Variants in PPARGC1A observed in about 807,000 individuals in gnomAD.
PPARGC1A encodes PPARG coactivator 1 alpha.
In PPARGC1A, 25 loss-of-function variants were observed where a neutral mutation model predicts 88.7. The ratio of observed to expected loss-of-function variants is 0.28; its 90% CI spans 0.21 to 0.39. PPARGC1A has a LOEUF of 0.39. Ranked by LOEUF, PPARGC1A falls within the 10% of genes least tolerant of loss-of-function variation. The probability of loss-of-function intolerance (pLI) is 1.00; values close to 1 mark genes in which losing one functional copy is unlikely to be tolerated. For synonymous variants in PPARGC1A, 363 were observed against 355.6 expected, an observed-to-expected ratio of 1.02 and a Z score of -0.24; for missense variants, 880 against 968.7, an observed-to-expected ratio of 0.91 and a Z score of 1.22.
the PPARGC1A span, among the ~76,000 whole-genome samples, chr4:24,408,612 G>C: frequency 2.0e-5 from 3 of 152,104 alleles, no homozygotes; most frequent in South Asian, 2.1e-4. Context: ...ATTTCTTCTT[G>C]GGACCCAGCA....
the PPARGC1A span, among the ~76,000 whole-genome samples, chr4:24,086,736 G>C: frequency 6.6e-6 from 1 of 152,194 alleles, no homozygotes; most frequent in African/African-American, 2.4e-5. Context: ...GTCTCATTAA[G>C]TAGGTAATAG....
At chr4:23,975,989 C>A in the PPARGC1A span, among the ~76,000 whole-genome samples, 1 of 152,142 alleles carries the variant, frequency 6.6e-6, no homozygotes, top group Non-Finnish European at 1.5e-5. Context: ...AATGGCTGCC[C>A]AATAAATGTT....
At chr4:24,204,740 T>C in the PPARGC1A span, among the ~76,000 whole-genome samples, 2 of 152,110 alleles carry the variant, frequency 1.3e-5, no homozygotes, top group African/African-American at 2.4e-5. Flanking sequence ...TAGTTGTTTA[T>C]GGGGTGGTTT....
the PPARGC1A span, among the ~76,000 whole-genome samples, chr4:24,174,486 C>G: frequency 6.6e-6 from 1 of 152,164 alleles, no homozygotes; most frequent in African/African-American, 2.4e-5. Flanking sequence ...AAAGGATTTA[C>G]TATAGATTTG....
At chr4:24,454,171 A>G in the PPARGC1A span, among the ~76,000 whole-genome samples, 1 of 151,574 alleles carries the variant, frequency 6.6e-6, no homozygotes, top group African/African-American at 2.4e-5. Flanking sequence ...ATGAGCAATC[A>G]ACTGCCAGCT....
chr4:24,000,249 G>T, the PPARGC1A span, among the ~76,000 whole-genome samples: 2 of 152,066 alleles, frequency 1.3e-5, no homozygotes, highest in African/African-American at 4.8e-5. Flanking sequence ...ACTCCACTAA[G>T]CTCTGCTTAT....
chr4:24,312,955 T>A, the PPARGC1A span, among the ~76,000 whole-genome samples: 1 of 152,064 alleles, frequency 6.6e-6, no homozygotes, highest in African/African-American at 2.4e-5. Context: ...CAGAAGCTTA[T>A]TGAGACCAAA....
chr4:24,190,552 TTATCTC>T, the PPARGC1A span, among the ~76,000 whole-genome samples: 1 of 151,930 alleles, frequency 6.6e-6, no homozygotes, highest in Non-Finnish European at 1.5e-5. Context: ...TATATAATAA[TTATCTC>T]TATTATTTCC....
At position 23,860,424 on chromosome 4, in the gene PPARGC1A, T is replaced by C. The variant is rs77042877; in HGVS notation, c.234+24328A>G. 3.6e-3 allele frequency among the ~76,000 whole-genome samples: 551 copies of C among 152,208 alleles called. 6 individuals are homozygous for C. The highest frequency in any genetic ancestry group is 0.013 in the African/African-American group (526 of 41,522). ...TGTACCACATGAGGACTATGGTTAGTAATATTGTACTGGATTCTGAGAGTA... is the reference window on the plus strand; with the variant it reads ...TGTACCACATGAGGACTATGGTTAGCAATATTGTACTGGATTCTGAGAGTA... On this transcript the variant is annotated intron_variant, in intron 2 of 12. Transcript: ENST00000264867.
chr4:23,945,421 G>GA, the PPARGC1A span, among the ~76,000 whole-genome samples: 2 of 152,094 alleles, frequency 1.3e-5, no homozygotes, highest in Non-Finnish European at 2.9e-5. Context: ...CCATGCAGCT[G>GA]AGAGACAAGG....
the PPARGC1A span, among the ~76,000 whole-genome samples, chr4:24,294,308 G>C: frequency 2.6e-5 from 4 of 152,066 alleles, no homozygotes; most frequent in Admixed American, 2.6e-4. Context: ...ATATGATCTC[G>C]AATAATGTTT....
chr4:23,984,071 C>T, the PPARGC1A span, among the ~76,000 whole-genome samples: 1 of 151,802 alleles, frequency 6.6e-6, no homozygotes, highest in Admixed American at 6.6e-5. Flanking sequence ...TCAAAAATGC[C>T]AAAAATAAAC....
chr4:24,016,577 T>A, the PPARGC1A span, among the ~76,000 whole-genome samples: 1 of 152,040 alleles, frequency 6.6e-6, no homozygotes, highest in Non-Finnish European at 1.5e-5. Context: ...CACAAAATTG[T>A]GGGGAAAAGG....
At chr4:24,359,999 A>G in the PPARGC1A span, among the ~76,000 whole-genome samples, 50,334 of 151,828 alleles carry the variant, frequency 0.33, 8,550 homozygotes, top group South Asian at 0.39. Flanking sequence ...GGTAAATCCA[A>G]TCTCTCTGTG....
chr4:24,108,871 G>C, the PPARGC1A span, among the ~76,000 whole-genome samples: 1 of 152,118 alleles, frequency 6.6e-6, no homozygotes, highest in Non-Finnish European at 1.5e-5. Flanking sequence ...AAAAGGATGT[G>C]TTGAGAGAAA....
the PPARGC1A span, among the ~76,000 whole-genome samples, chr4:24,074,911 C>G: frequency 1.3e-5 from 2 of 152,076 alleles, no homozygotes; most frequent in East Asian, 3.9e-4. Context: ...GGTGCTTTGC[C>G]GAAAAGCAGA....
the PPARGC1A span, among the ~76,000 whole-genome samples, chr4:24,294,876 A>C: frequency 2.0e-5 from 3 of 152,226 alleles, no homozygotes; most frequent in Non-Finnish European, 4.4e-5. Context: ...TTTTGAGAGT[A>C]GCAGCTCCAA....
chr4:23,808,133 C>T (rs1003414138), intron 10 of PPARGC1A, among the ~76,000 whole-genome samples: 19 of 151,816 alleles, frequency 1.3e-4, no homozygotes, highest in Non-Finnish European at 2.5e-4. Flanking sequence ...TACCTGTAGT[C>T]CCAGCTACTC....
At chr4:24,408,804 C>T in the PPARGC1A span, among the ~76,000 whole-genome samples, 1 of 152,152 alleles carries the variant, frequency 6.6e-6, no homozygotes, top group Non-Finnish European at 1.5e-5. Context: ...ATTAGAGACC[C>T]CAGACGAAAA....
Sources: gnomAD v4.1 joint callset for allele counts (sites outside exome capture counted in the v4.1 genomes callset) on GRCh38, gnomAD v4.1.1 for gene constraint, MANE v1.5 for transcripts, NCBI Gene and HGNC (gene_info 2026-07-23, HGNC 2026-07-21) for gene names.